Variants in SLC35F5 observed in about 807,000 individuals in gnomAD.
The protein encoded by SLC35F5 is HCV NS5A-transactivated protein 3.
A neutral mutation model predicts 68.6 loss-of-function variants in SLC35F5; 54 were observed. The observed-to-expected ratio is 0.79, with a 90% confidence interval of 0.63 to 0.99. The LOEUF (loss-of-function observed/expected upper bound fraction) is 0.99. SLC35F5 is among the 50% of genes least tolerant of loss of function. SLC35F5 has a pLI of 0.00. For missense variants in SLC35F5, 567 were observed against 626.9 expected (o/e 0.90, Z 1.02); for synonymous variants, 211 against 205.2 (o/e 1.03, Z -0.24).
At chr2:113,754,416 A>G (rs916022040) in intron 3 of SLC35F5, among the ~76,000 whole-genome samples, 1 of 152,104 alleles carries the variant, frequency 6.6e-6, no homozygotes, top group African/African-American at 2.4e-5. Context: ...AATTAGGTTC[A>G]TTTTATAAAT....
rs35537697 is a variant in SLC35F5, at chr2:113,722,388, T to TACAC, written c.1341+712_1341+715dup. Reference sequence around the variant, plus strand: ...TATATTAGACTAAAACACACATACATACACACACACACACACACATACTTC... The same window carrying TACAC: ...TATATTAGACTAAAACACACATACATACACACACACACACACACACACATACTTC... On this transcript the variant is annotated intron_variant, in intron 13 of 15. Coordinates refer to ENST00000245680, the MANE Select transcript of SLC35F5 (RefSeq NM_025181.5). Among the ~76,000 whole-genome samples the TACAC allele has an allele frequency of 8.8e-4, 133 of 150,908 alleles. 1 individual carries two copies. Among genetic ancestry groups the TACAC allele is most frequent in the Middle Eastern group, 3.4e-3 (1 of 294 alleles).
chr2:113,751,912 T>C (rs930468988), intron 3 of SLC35F5, among the ~76,000 whole-genome samples: 1 of 149,458 alleles, frequency 6.7e-6, no homozygotes, highest in Non-Finnish European at 1.5e-5. Flanking sequence ...GGAAAGAAAA[T>C]GTTAAAGATT....
intron 13 of SLC35F5, among the ~76,000 whole-genome samples, chr2:113,722,902 GA>G (rs1157282449): frequency 2.6e-5 from 4 of 152,032 alleles, no homozygotes; most frequent in Admixed American, 2.0e-4. Context: ...GAAATTTAGG[GA>G]AAAAAATGGA....
chr2:113,742,760 T>G lies in SLC35F5; in HGVS notation c.682A>C (p.Ile228Leu). The change falls in exon 7 of 16, where the codon ATA becomes CTA. Residue 228 changes from isoleucine (I) to leucine (L), a missense_variant. Ile to Leu is a conservative substitution (Grantham distance 5). Transcript: ENST00000245680. The stretch of plus-strand genomic sequence containing the variant: ...GTAAGTTTCCCCACAGTTTTCAGTA[T>G]GGATTCTTGTTCTTTCACAGGATAT... ...MSYPVKEQES[I>L]LKTVGKLTAT... The G allele has an allele frequency of 6.2e-7, 1 of 1,614,164 alleles. No homozygotes were observed. The highest frequency in any genetic ancestry group is 8.5e-7 in the Non-Finnish European group (1 of 1,179,998).
Position 113,750,570 on chromosome 2 carries a change from T to C in SLC35F5, c.274-2A>G. 2 of 1,598,132 alleles carry C rather than the reference T, an allele frequency of 1.3e-6. No individual in the cohort carries two copies. Among genetic ancestry groups the C allele is most frequent in the Non-Finnish European group, 1.7e-6 (2 of 1,173,596 alleles). On this transcript the variant is annotated splice_acceptor_variant, in intron 3 of 15. Coordinates refer to ENST00000245680, the MANE Select transcript of SLC35F5 (RefSeq NM_025181.5). LOFTEE classifies it high-confidence loss of function. ...TTTGTTGTACTGGGTAAAAACATAC[T>C]GTAGAGGAAAAAGTTACACAGACAA... is the stretch of plus-strand genomic sequence containing the variant.
chr2:113,756,561 C>A lies in SLC35F5; in HGVS notation c.-152G>T. 7 of 1,463,662 alleles carry A rather than the reference C, an allele frequency of 4.8e-6. No homozygotes were observed. The highest frequency in any genetic ancestry group is 6.3e-6 in the Non-Finnish European group (7 of 1,111,142). The allele number at this position is 1,463,662 out of a possible 1,614,324, so 90.7% of individuals were successfully genotyped here. On this transcript the variant is annotated 5_prime_UTR_variant, in exon 1 of 16. Transcript: ENST00000245680. ...GGGAGAGGCTCCCGACACCACCCAACTCCACTCGGCCCAGGAGGGCGTGGA... is the reference window on the plus strand; with the variant it reads ...GGGAGAGGCTCCCGACACCACCCAAATCCACTCGGCCCAGGAGGGCGTGGA...
chr2:113,727,156 T>C (rs1415953903), intron 11 of SLC35F5, among the ~76,000 whole-genome samples: 1 of 152,076 alleles, frequency 6.6e-6, no homozygotes, highest in Admixed American at 6.6e-5. Context: ...CTTCTCAAGT[T>C]CTCTCTCTCT....
chr2:113,740,625 TTTTC>T (rs778716984), intron 7 of SLC35F5, among the ~76,000 whole-genome samples: 2 of 152,136 alleles, frequency 1.3e-5, no homozygotes, highest in Non-Finnish European at 2.9e-5. Context: ...CACAGGATTT[TTTTC>T]TTTTTCTTTT....
intron 8 of SLC35F5, among the ~76,000 whole-genome samples, chr2:113,734,992 C>T (rs2104445938): frequency 6.6e-6 from 1 of 152,264 alleles, no homozygotes; most frequent in Non-Finnish European, 1.5e-5. Flanking sequence ...AAGCCTGTGT[C>T]CCTAAAGTTA....
chr2:113,731,638 C>T lies in SLC35F5; in HGVS notation c.931G>A (p.Val311Ile), dbSNP rs1312183846. The T allele has an allele frequency of 6.8e-6, 11 of 1,612,452 alleles. No homozygotes were observed. The highest frequency in any genetic ancestry group is 4.0e-5 in the African/African-American group (3 of 74,814). The change falls in exon 10 of 16, where the codon GTT (valine) becomes ATT (isoleucine). Residue 311 changes from valine (V) to isoleucine (I), a missense_variant. Coordinates refer to ENST00000245680, the MANE Select transcript of SLC35F5 (RefSeq NM_025181.5). ...GACCCTGCCAGGTTTACCAGTACAA[C>T]GCCTCCAATGCTATGAGAATAACAG... ...LLAVILSIGG[V>I]VLVNLAGSEK...
At position 113,713,818 on chromosome 2, in the gene SLC35F5, GTAATA is replaced by G. The variant is rs932392741; in HGVS notation, c.*1395_*1399del. On this transcript the variant is annotated 3_prime_UTR_variant, in exon 16 of 16. Transcript: ENST00000245680. ...TTAATATCATAAACAATTTTTAAAG[GTAATA>G]TAATATAGAAGTTCTCAGAATGAAA... is the stretch of plus-strand genomic sequence containing the variant. The G allele has an allele frequency of 6.7e-6, 1 of 149,664 alleles. No homozygotes were observed. The highest frequency in any genetic ancestry group is 2.5e-5 in the African/African-American group (1 of 40,688). The allele number at this position is 149,664 out of a possible 1,614,324, so 9.3% of individuals were successfully genotyped here.
At chr2:113,718,259 T>C (rs1375294419) in intron 14 of SLC35F5, among the ~76,000 whole-genome samples, 1 of 152,076 alleles carries the variant, frequency 6.6e-6, no homozygotes, top group African/African-American at 2.4e-5. Context: ...TAATTTTTTT[T>C]TTAATTTTCT....
At chr2:113,735,728 A>T (rs1688064497) in intron 8 of SLC35F5, 49 bp downstream of exon 8, 2 of 1,261,714 alleles carry the variant, frequency 1.6e-6, no homozygotes, top group Non-Finnish European at 2.3e-6. Context: ...ATATACCAGA[A>T]ATACATACAC....
In SLC35F5 at chr2:113,742,842, C is replaced by T; in HGVS notation, c.600G>A (p.Met200Ile). 6.2e-7 allele frequency: 1 copy of T among 1,614,070 alleles called. No homozygotes were observed. Among genetic ancestry groups the T allele is most frequent in the Non-Finnish European group, 8.5e-7 (1 of 1,179,974 alleles). The change falls in exon 7 of 16, where the codon ATG (methionine) becomes ATA (isoleucine). Residue 200 changes from methionine to isoleucine, a missense_variant. Coordinates refer to ENST00000245680, the MANE Select transcript of SLC35F5 (RefSeq NM_025181.5). ...KKSRVRFSNI[M>I]EIRQLPSSHA... ...GACTTGACGGAAGCTGTCGAATCTC[C>T]ATGATATTACTGAACCTCACACGAG...
At chr2:113,728,346 C>T (rs1687748805) in intron 11 of SLC35F5, among the ~76,000 whole-genome samples, 1 of 152,072 alleles carries the variant, frequency 6.6e-6, no homozygotes, top group Non-Finnish European at 1.5e-5. Flanking sequence ...CCCTATGTTG[C>T]CCAGGCTGAT....
chr2:113,731,528 G>A (rs895896819), intron 10 of SLC35F5, 56 bp downstream of exon 10: 13 of 1,389,442 alleles, frequency 9.4e-6, no homozygotes, highest in Middle Eastern at 1.8e-4. Flanking sequence ...ACATGAGCAC[G>A]CACATGTAAC....
intron 10 of SLC35F5, among the ~76,000 whole-genome samples, chr2:113,730,756 GTTT>G (rs1300290910): frequency 6.6e-6 from 1 of 152,116 alleles, no homozygotes; most frequent in East Asian, 1.9e-4. Context: ...GATTACTTTT[GTTT>G]TTGTTAAGTC....
At chr2:113,732,464 G>A (rs984898736) in intron 9 of SLC35F5, among the ~76,000 whole-genome samples, 1 of 152,062 alleles carries the variant, frequency 6.6e-6, no homozygotes, top group African/African-American at 2.4e-5. Flanking sequence ...ACCCTGATGA[G>A]AAAGACCAGT....
At position 113,756,627 on chromosome 2, in the gene SLC35F5, G is replaced by T; in HGVS notation, c.-218C>A. ...GGACGGCACAGTCAGCTATGGCCGC[G>T]GAGGCCCGGAGATCTGCTCTGGCCC... On this transcript the variant is annotated 5_prime_UTR_variant, in exon 1 of 16. Coordinates refer to ENST00000245680, the MANE Select transcript of SLC35F5 (RefSeq NM_025181.5). 7.8e-7 allele frequency: 1 copy of T among 1,274,572 alleles called. No individual in the cohort carries two copies. The highest frequency in any genetic ancestry group is 3.2e-5 in the Admixed American group (1 of 31,204). 79.0% of individuals were successfully genotyped at this position (1,274,572 alleles called of 1,614,324 possible).
Sources: allele counts gnomAD v4.1 joint callset (sites outside exome capture counted in the v4.1 genomes callset), GRCh38; gene constraint gnomAD v4.1.1; transcripts MANE v1.5; gene names NCBI Gene and HGNC (gene_info 2026-07-23, HGNC 2026-07-21).